Variants in GALNT9 observed in about 807,000 individuals in gnomAD.
GALNT9 encodes the protein polypeptide N-acetylgalactosaminyltransferase 9, also known as GalNAc transferase 9.
A neutral mutation model predicts 63.1 loss-of-function variants in GALNT9; 47 were observed. That is an observed-to-expected ratio of 0.75 (90% CI 0.59 to 0.95). GALNT9 has a LOEUF of 0.95. Ranked by LOEUF, GALNT9 falls within the 40% of genes least tolerant of loss-of-function variation. The pLI, the probability that GALNT9 is intolerant of heterozygous loss-of-function variation, is 0.00. For missense variants in GALNT9, 829 were observed against 874.8 expected, an observed-to-expected ratio of 0.95 and a Z score of 0.66; for synonymous variants, 396 against 365.7, an observed-to-expected ratio of 1.08 and a Z score of -0.94.
rs868933832 is a variant in GALNT9 at position 132,303,923 on chromosome 12, G to T, written c.239-17493C>A. Among the ~76,000 whole-genome samples, 8 of 24,444 alleles carry T rather than the reference G, an allele frequency of 3.3e-4. 3 individuals are homozygous for T. The highest frequency in any genetic ancestry group is 6.0e-4 in the Non-Finnish European group (8 of 13,412). The allele number at this position is 24,444 out of a possible 152,430, so 16.0% of individuals were successfully genotyped here. Reference sequence around the variant, plus strand: ...CACACCCTCACCCAGACACAGCCTCGCCCAGACACACCCTCGCCCGGGCAC... The same window carrying T: ...CACACCCTCACCCAGACACAGCCTCTCCCAGACACACCCTCGCCCGGGCAC... On this transcript the variant is annotated intron_variant, in intron 1 of 10. Transcript: ENST00000328957.
chr12:132,282,899 C>G lies in GALNT9; in HGVS notation c.419+3351G>C, dbSNP rs538255211. On this transcript the variant is annotated intron_variant, in intron 2 of 10. Coordinates refer to ENST00000328957, the MANE Select transcript of GALNT9 (RefSeq NM_001122636.2). This position sits in a 1 kb window ranked among gnomAD's most constrained non-coding sequence, Gnocchi z 4.5. Reference sequence around the variant, plus strand: ...GCAAATGACGACCGTCTGTGACACGCAGGCCCACGTCTGTGCTAGAAAAGC... The same window carrying G: ...GCAAATGACGACCGTCTGTGACACGGAGGCCCACGTCTGTGCTAGAAAAGC... 1 of 152,492 alleles carries G rather than the reference C, an allele frequency of 6.6e-6. No homozygotes were observed. The allele number at this position is 152,492 out of a possible 1,614,324, so 9.4% of individuals were successfully genotyped here. A position where few individuals can be genotyped will look rare whatever the true frequency, so the allele number is the denominator to read the frequency against.
chr12:132,267,919 TCA>T lies in GALNT9; in HGVS notation c.420-5296_420-5295del, dbSNP rs1293290253. On this transcript the variant is annotated intron_variant, in intron 2 of 10. Transcript: ENST00000328957. ...CACACGCACACAAATCCACATGCAC[TCA>T]CACACATGCACACACACACGCACTC... Among the ~76,000 whole-genome samples, 9 of 129,966 alleles carry T rather than the reference TCA, an allele frequency of 6.9e-5. No individual in the cohort carries two copies. The East Asian group carries it at 1.1e-3, about 16-fold the overall frequency. The allele number at this position is 129,966 out of a possible 152,430, so 85.3% of individuals were successfully genotyped here.
rs1555237938 is a variant in GALNT9, at chr12:132,245,601, G to A, written c.1077+2309C>T. Among the ~76,000 whole-genome samples, 1 of 151,056 alleles carries A rather than the reference G, an allele frequency of 6.6e-6. No homozygotes were observed. Among genetic ancestry groups the A allele is most frequent in the African/African-American group, 2.4e-5 (1 of 40,900 alleles). ...GTCCGGCACCCACACCCCCAGCCCA[G>A]CCTGCTGACCCTCGCCCAGCCAGGG... On this transcript the variant is annotated intron_variant, in intron 6 of 10. Coordinates refer to ENST00000328957, the MANE Select transcript of GALNT9 (RefSeq NM_001122636.2). The surrounding 1 kb of genome is among the most constrained non-coding windows in gnomAD (Gnocchi z 6.3).
intron 1 of GALNT9, among the ~76,000 whole-genome samples, chr12:132,301,037 C>T (rs28374045): frequency 0.36 from 55,381 of 152,232 alleles, 11,451 homozygotes; most frequent in African/African-American, 0.58. Flanking sequence ...AGCTTTGCTT[C>T]CTTTAATCCC....
chr12:132,203,482 C>G (rs1339298212), intron 7 of GALNT9, 23 bp downstream of exon 7: 1 of 1,611,662 alleles, frequency 6.2e-7, no homozygotes, highest in Non-Finnish European at 8.5e-7. Flanking sequence ...ATGGCCCCGG[C>G]TCCCGGCCTG....
At chr12:132,216,797 G>A (rs943908934) in intron 6 of GALNT9, among the ~76,000 whole-genome samples, 2 of 152,238 alleles carry the variant, frequency 1.3e-5, no homozygotes, top group African/African-American at 2.4e-5. Flanking sequence ...TTCTGAGCTC[G>A]AGGCTTTGGC....
chr12:132,198,066 G>A (rs1218606651), intron 9 of GALNT9, 107 bp from the exon 10 acceptor site: 19 of 947,218 alleles, frequency 2.0e-5, no homozygotes, highest in Non-Finnish European at 2.7e-5. Flanking sequence ...GGCCCTGCGC[G>A]GCTGCCTTGG....
intron 1 of GALNT9, among the ~76,000 whole-genome samples, chr12:132,302,037 G>GGAT (rs1384212709): frequency 6.6e-6 from 1 of 152,102 alleles, no homozygotes; most frequent in Non-Finnish European, 1.5e-5. Flanking sequence ...TACATATTTA[G>GGAT]GATTGCTTAT....
In GALNT9 at chr12:132,325,349, A is replaced by G. The variant is rs117572450; in HGVS notation, c.238+3617T>C. On this transcript the variant is annotated intron_variant, in intron 1 of 10. Coordinates refer to ENST00000328957, the MANE Select transcript of GALNT9 (RefSeq NM_001122636.2). Reference sequence around the variant, plus strand: ...CACAGTACCGCCAGAGGCCTTGGGCATCAGAGCCAGGACCAGACAGACACA... The same window carrying G: ...CACAGTACCGCCAGAGGCCTTGGGCGTCAGAGCCAGGACCAGACAGACACA... Among the ~76,000 whole-genome samples, 32 of 152,372 alleles carry G rather than the reference A, an allele frequency of 2.1e-4. 1 individual carries two copies. The East Asian group carries it at 6.2e-3, about 29-fold the overall frequency.
chr12:132,299,383 C>A (rs956970655), intron 1 of GALNT9, among the ~76,000 whole-genome samples: 1 of 133,506 alleles, frequency 7.5e-6, no homozygotes, highest in Non-Finnish European at 1.6e-5. Context: ...TCCCACCACA[C>A]CTAACCCATC....
chr12:132,211,118 T>C (rs1876941741), intron 6 of GALNT9, among the ~76,000 whole-genome samples: 1 of 152,116 alleles, frequency 6.6e-6, no homozygotes, highest in Non-Finnish European at 1.5e-5. Context: ...GCTGAACGAA[T>C]TGGGCTGCAA....
In GALNT9 at chr12:132,267,470, C is replaced by T. The variant is rs535698853; in HGVS notation, c.420-4845G>A. Among the ~76,000 whole-genome samples, 4 of 152,306 alleles carry T rather than the reference C, an allele frequency of 2.6e-5. No individual in the cohort carries two copies. In the South Asian group the frequency reaches 6.2e-4, roughly 24 times the overall value. On this transcript the variant is annotated intron_variant, in intron 2 of 10. Transcript: ENST00000328957. ...TCCCGTGCACACGGAGAACCCACAC[C>T]GTCGCCCAGCACCCCAGAGGGCTTC... is the stretch of plus-strand genomic sequence containing the variant.
At chr12:132,199,582 T>G (rs765704093) in intron 8 of GALNT9, among the ~76,000 whole-genome samples, 1 of 152,140 alleles carries the variant, frequency 6.6e-6, no homozygotes, top group African/African-American at 2.4e-5. Context: ...CTGCTCCCTG[T>G]GCCCTTGCGG....
In GALNT9 at chr12:132,316,366, A is replaced by AT. The variant is rs1364657412; in HGVS notation, c.238+12599dup. 6.6e-6 allele frequency among the ~76,000 whole-genome samples: 1 copy of AT among 152,108 alleles called. No individual in the cohort carries two copies. The highest frequency in any genetic ancestry group is 1.5e-5 in the Non-Finnish European group (1 of 68,012). On this transcript the variant is annotated intron_variant, in intron 1 of 10. Coordinates refer to ENST00000328957, the MANE Select transcript of GALNT9 (RefSeq NM_001122636.2). This position sits in a 1 kb window ranked among gnomAD's most constrained non-coding sequence, Gnocchi z 4.3. ...GCCCCTATTCTGGGAGGAAACAGAG[A>AT]TCCCCTATAACCGAGCATATACTTC...
Position 132,236,909 on chromosome 12 carries a change from C to G in GALNT9, c.1077+11001G>C, listed in dbSNP as rs2136895075. Among the ~76,000 whole-genome samples the G allele has an allele frequency of 6.6e-6, 1 of 152,244 alleles. No homozygotes were observed. The highest frequency in any genetic ancestry group is 1.9e-4 in the East Asian group (1 of 5,180). On this transcript the variant is annotated intron_variant, in intron 6 of 10. Coordinates refer to ENST00000328957, the MANE Select transcript of GALNT9 (RefSeq NM_001122636.2). The surrounding 1 kb of genome is among the most constrained non-coding windows in gnomAD (Gnocchi z 5.6). ...AGCCATGTGGGTGCTGGTCGTGTGG[C>G]CTCCCACAGCCTGGCTTCCTCCCGC... is the stretch of plus-strand genomic sequence containing the variant.
chr12:132,198,451 T>G (rs78528817), intron 9 of GALNT9, among the ~76,000 whole-genome samples: 1 of 151,934 alleles, frequency 6.6e-6, no homozygotes, highest in Admixed American at 6.6e-5. Context: ...GGGCTGGGCC[T>G]GGGCCTGTGC....
intron 6 of GALNT9, among the ~76,000 whole-genome samples, chr12:132,237,733 G>A (rs2136895531): frequency 3.1e-4 from 47 of 152,208 alleles, no homozygotes; most frequent in Non-Finnish European, 5.1e-4. Flanking sequence ...TGCTCAGTTC[G>A]GGGCCACCTG....
chr12:132,255,872 G>A (rs1171055688), intron 5 of GALNT9, among the ~76,000 whole-genome samples: 3 of 152,080 alleles, frequency 2.0e-5, no homozygotes, highest in African/African-American at 7.2e-5. Flanking sequence ...CACGCTGGGT[G>A]TCCACCATGG....
At chr12:132,285,309 C>T (rs1022088995) in intron 2 of GALNT9, among the ~76,000 whole-genome samples, 19 of 152,286 alleles carry the variant, frequency 1.2e-4, no homozygotes, top group African/African-American at 4.1e-4. Context: ...AGCATCCTGT[C>T]GCGGGCTGGG....
Sources: gnomAD v4.1 joint callset for allele counts (sites outside exome capture counted in the v4.1 genomes callset) on GRCh38, gnomAD v4.1.1 for gene constraint, Gnocchi (gnomAD v3.1) non-coding constraint, MANE v1.5 for transcripts, NCBI Gene and HGNC (gene_info 2026-07-23, HGNC 2026-07-21) for gene names.